Variants in TRPA1 observed in about 807,000 individuals in gnomAD.
TRPA1 encodes transient receptor potential cation channel subfamily A member 1, also known as ankyrin-like with transmembrane domains 1.
TRPA1 carries 129 observed loss-of-function variants against 131.3 expected under a neutral mutation model. The observed-to-expected ratio is 0.98, with a 90% confidence interval of 0.85 to 1.14. TRPA1 has a LOEUF of 1.14. Ranked by LOEUF, TRPA1 falls within the 50% of genes most tolerant of loss-of-function variation. TRPA1 has a pLI of 0.00. For synonymous variants in TRPA1, 441 were observed against 451.7 expected (o/e 0.98, Z 0.30); for missense variants, 1,304 against 1,354.2 (o/e 0.96, Z 0.58).
At chr8:72,052,187 C>T (rs184847608) in intron 14 of TRPA1, among the ~76,000 whole-genome samples, 54 of 152,222 alleles carry the variant, frequency 3.5e-4, no homozygotes, top group African/African-American at 1.3e-3. Flanking sequence ...TTTGGGAGGC[C>T]GAGGTGGGCG....
At chr8:72,037,262 C>G (rs540597683) in intron 20 of TRPA1, among the ~76,000 whole-genome samples, 17 of 151,976 alleles carry the variant, frequency 1.1e-4, no homozygotes, top group African/African-American at 3.9e-4. Flanking sequence ...CGTGATGCAA[C>G]AAAGAAAATT....
chr8:72,057,606 G>A (rs1006750349), intron 9 of TRPA1, 111 bp downstream of exon 9: 1 of 862,976 alleles, frequency 1.2e-6, no homozygotes, highest in Non-Finnish European at 2.0e-6. Flanking sequence ...CCCAGGGCCT[G>A]GCACACAATA....
chr8:72,070,599 G>T (rs938548275), intron 2 of TRPA1, among the ~76,000 whole-genome samples: 5 of 152,130 alleles, frequency 3.3e-5, no homozygotes, highest in Non-Finnish European at 5.9e-5. Flanking sequence ...TTTGTGGCAA[G>T]GGCTCCTTCT....
At chr8:72,025,859 A>T in intron 25 of TRPA1, 101 bp downstream of exon 25, 1 of 956,560 alleles carries the variant, frequency 1.0e-6, no homozygotes, top group Non-Finnish European at 1.7e-6. Flanking sequence ...ACAGGCAGAG[A>T]AGACTCAAAG....
In TRPA1 at chr8:72,022,487, C is replaced by G. The variant is rs185116016; in HGVS notation, c.*419G>C. 1.9e-5 allele frequency: 6 copies of G among 321,284 alleles called. No homozygotes were observed. In the East Asian group the frequency reaches 5.2e-4, roughly 28 times the overall value. 19.9% of individuals were successfully genotyped at this position (321,284 alleles called of 1,614,324 possible). ...TCAACCTAATATTTAAGACTATCATCTAAGGCATTATTAATACTTGTGACT... is the reference window on the plus strand; with the variant it reads ...TCAACCTAATATTTAAGACTATCATGTAAGGCATTATTAATACTTGTGACT... On this transcript the variant is annotated 3_prime_UTR_variant, in exon 27 of 27. Coordinates refer to ENST00000262209, the MANE Select transcript of TRPA1 (RefSeq NM_007332.3).
At position 72,075,315 on chromosome 8, in the gene TRPA1, A is replaced by C. The variant is rs1408893675; in HGVS notation, c.95T>G (p.Phe32Cys). 2.5e-6 allele frequency: 4 copies of C among 1,613,442 alleles called. No individual in the cohort carries two copies. In the Admixed American group the frequency reaches 5.0e-5, roughly 20 times the overall value. The change falls in exon 1 of 27, where the codon TTC (phenylalanine) becomes TGC (cysteine). Residue 32 changes from phenylalanine (F) to cysteine (C), a missense_variant. Physicochemically the swap from Phe to Cys is radical, Grantham distance 205. Transcript: ENST00000262209. The part of the protein sequence containing the change: ...YEDVPDDTED[F>C]KESLKVVFEG... ...CCAGAGTACCTTAAGCGATTCCTTGAAATCCTCCGTGTCGTCCGGCACATC... is the reference window on the plus strand; with the variant it reads ...CCAGAGTACCTTAAGCGATTCCTTGCAATCCTCCGTGTCGTCCGGCACATC...
At chr8:72,047,030 AC>A (rs1805346841) in intron 16 of TRPA1, 117 bp downstream of exon 16, 6 of 782,958 alleles carry the variant, frequency 7.7e-6, no homozygotes, top group African/African-American at 1.8e-5. Flanking sequence ...CAATAATATG[AC>A]AAATTAGATC....
intron 10 of TRPA1, among the ~76,000 whole-genome samples, chr8:72,056,538 A>C (rs547482046): frequency 6.6e-6 from 1 of 152,116 alleles, no homozygotes; most frequent in South Asian, 2.1e-4. Context: ...ATGCTGAGTA[A>C]TTTTTCTTAA....
chr8:72,086,501 G>C, the TRPA1 span, among the ~76,000 whole-genome samples: 1 of 151,964 alleles, frequency 6.6e-6, no homozygotes, highest in South Asian at 2.1e-4. Context: ...CCTTATTTTG[G>C]CTTCCTATTG....
At chr8:72,029,780 A>C in intron 24 of TRPA1, 121 bp downstream of exon 24, 1 of 941,380 alleles carries the variant, frequency 1.1e-6, no homozygotes, top group Non-Finnish European at 1.7e-6. Flanking sequence ...CAGTGTAAGT[A>C]GTATAAATTT....
At chr8:72,083,500 C>T in the TRPA1 span, among the ~76,000 whole-genome samples, 24,103 of 151,390 alleles carry the variant, frequency 0.16, 2,599 homozygotes, top group Non-Finnish European at 0.22. Flanking sequence ...TTTGGGAGGC[C>T]GAGGCGGGTG....
At chr8:72,061,082 A>G (rs1336928005) in intron 7 of TRPA1, among the ~76,000 whole-genome samples, 1 of 152,194 alleles carries the variant, frequency 6.6e-6, no homozygotes, top group Non-Finnish European at 1.5e-5. Context: ...AAGTAAGCCT[A>G]TGGCTTAATA....
chr8:72,067,757 C>A (rs771124650), intron 3 of TRPA1, among the ~76,000 whole-genome samples: 1 of 152,138 alleles, frequency 6.6e-6, no homozygotes. Context: ...TAGCACTTGG[C>A]TCATGAATAA....
rs772012081 is a variant in TRPA1 at position 72,052,616 on chromosome 8, C to T, written c.1794G>A (p.Thr598=). 21 of 1,613,440 alleles carry T rather than the reference C, an allele frequency of 1.3e-5. No homozygotes were observed. The highest frequency in any genetic ancestry group is 1.1e-4 in the South Asian group (10 of 91,064). ...LHNKRKEVVL[T]IIRSKRWDEC... ...CAGTGTACCTTTTGCTCCTGATGAT[C>T]GTAAGAACAACCTCCTTCCTCTTAT... The change falls in exon 14 of 27, where the codon ACG becomes ACA. Residue 598 remains threonine, a synonymous_variant. Transcript: ENST00000262209.
At chr8:72,053,233 A>T (rs886597684) in intron 13 of TRPA1, 6 of 207,078 alleles carry the variant, frequency 2.9e-5, no homozygotes, top group Admixed American at 2.6e-4. Flanking sequence ...TTAAAATCAG[A>T]GACTGTTATA....
rs762499505 is a variant in TRPA1, at chr8:72,023,815, G to A, written c.3148C>T (p.Arg1050Trp). 1.7e-5 allele frequency: 26 copies of A among 1,511,170 alleles called. No homozygotes were observed. Among genetic ancestry groups the A allele is most frequent in the Non-Finnish European group, 2.0e-5 (22 of 1,087,282 alleles). The allele number at this position is 1,511,170 out of a possible 1,614,324, so 93.6% of individuals were successfully genotyped here. ...LEMEILKQKY[R>W]LKDLTFLLEK... ...ACAGATAGAAGGAAAAATACATACC[G>A]GTATTTCTGCTTTAATATTTCCATT... The change falls in exon 26 of 27, where the codon CGG (arginine) becomes TGG (tryptophan). Residue 1050 changes from arginine to tryptophan, a missense_variant and splice_region_variant. Transcript: ENST00000262209.
chr8:72,035,735 A>G lies in TRPA1; in HGVS notation c.2555+553T>C, dbSNP rs192207945. On this transcript the variant is annotated intron_variant, in intron 21 of 26. Transcript: ENST00000262209. Reference sequence around the variant, plus strand: ...CCATCAGTTCATTTTGAGTGTTTTAATTCAAAGTAAATGCTTACAAAATAA... The same window carrying G: ...CCATCAGTTCATTTTGAGTGTTTTAGTTCAAAGTAAATGCTTACAAAATAA... 3.9e-5 allele frequency among the ~76,000 whole-genome samples: 6 copies of G among 152,228 alleles called. No homozygotes were observed. In the East Asian group the frequency reaches 1.2e-3, roughly 29 times the overall value.
chr8:72,081,353 CA>C, the TRPA1 span, among the ~76,000 whole-genome samples: 1 of 151,744 alleles, frequency 6.6e-6, no homozygotes, highest in African/African-American at 2.4e-5. Context: ...GGTCAAAGAA[CA>C]TACTTTGTAT....
At chr8:72,062,119 C>G (rs1280717259) in intron 6 of TRPA1, 3 of 272,782 alleles carry the variant, frequency 1.1e-5, no homozygotes, top group Non-Finnish European at 2.1e-5. Flanking sequence ...CCCCATACCA[C>G]CATTGGCAGC....
Sources: allele counts gnomAD v4.1 joint callset (sites outside exome capture counted in the v4.1 genomes callset), GRCh38; gene constraint gnomAD v4.1.1; transcripts MANE v1.5; gene names NCBI Gene and HGNC (gene_info 2026-07-23, HGNC 2026-07-21).